ZNF519: variants seen among roughly 807,000 people sequenced by gnomAD.
ZNF519 encodes the protein zinc finger protein 519.
ZNF519 carries 7 observed loss-of-function variants against 7.4 expected under a neutral mutation model. That is an observed-to-expected ratio of 0.94 (90% CI 0.54 to 1.77). The LOEUF (loss-of-function observed/expected upper bound fraction) is 1.77. Among genes scored for constraint, ZNF519 ranks in the 40% most tolerant of loss-of-function variants. The probability of loss-of-function intolerance (pLI) is 0.00; values close to 1 mark genes in which losing one functional copy is unlikely to be tolerated. For missense variants in ZNF519, 586 were observed against 623.1 expected (o/e 0.94, Z 0.63); for synonymous variants, 179 against 203.3 (o/e 0.88, Z 1.02).
intron 2 of ZNF519, among the ~76,000 whole-genome samples, chr18:14,116,379 A>AG (rs1287181248): frequency 6.6e-6 from 1 of 152,226 alleles, no homozygotes; most frequent in Non-Finnish European, 1.5e-5. Flanking sequence ...TTAGAAAAAA[A>AG]GAACAAAATT....
chr18:14,107,852 A>C (rs908890374), intron 2 of ZNF519, among the ~76,000 whole-genome samples: 4 of 152,092 alleles, frequency 2.6e-5, no homozygotes, highest in African/African-American at 9.7e-5. Flanking sequence ...CCTGTGGAAT[A>C]AGGACGGAAA....
chr18:14,105,416 G>T lies in ZNF519; in HGVS notation c.1124C>A (p.Pro375His). Residue 375 changes from proline to histidine, a missense_variant, in exon 3 of 3, where the codon CCT (proline) becomes CAT (histidine). Pro to His is a moderately conservative substitution (Grantham distance 77). Coordinates refer to ENST00000590202, the MANE Select transcript of ZNF519 (RefSeq NM_145287.4). ...TTTGCCACATTCCTTACATCTGAAA[G>T]GTTTCTCTCCGGTATGGATTCTCTG... ...QHQRIHTGEKPFRCKECGKAF... is the reference protein window; with the variant it reads ...QHQRIHTGEKHFRCKECGKAF... 6.2e-7 allele frequency: 1 copy of T among 1,613,644 alleles called. No homozygotes were observed. Among genetic ancestry groups the T allele is most frequent in the Non-Finnish European group, 8.5e-7 (1 of 1,179,950 alleles).
At chr18:14,111,677 A>G (rs2046221790) in intron 2 of ZNF519, among the ~76,000 whole-genome samples, 1 of 152,170 alleles carries the variant, frequency 6.6e-6, no homozygotes, top group Admixed American at 6.5e-5. Context: ...AAATTGGAAA[A>G]TCTAGAACAA....
chr18:14,088,284 C>G (rs1259008922), intron 2 of ZNF519, among the ~76,000 whole-genome samples: 1 of 152,114 alleles, frequency 6.6e-6, no homozygotes, highest in Admixed American at 6.5e-5. Flanking sequence ...TAGAAAAACT[C>G]GGAGTAGCTT....
chr18:14,118,520 G>A (rs932205129), intron 2 of ZNF519, among the ~76,000 whole-genome samples: 1 of 152,080 alleles, frequency 6.6e-6, no homozygotes, highest in African/African-American at 2.4e-5. Context: ...ACAGAAACAG[G>A]CAGTAGAAAG....
rs2046162904 is a variant in ZNF519, at chr18:14,101,757, AT to A, written c.*3159del. On this transcript the variant is annotated 3_prime_UTR_variant, in exon 3 of 3. Transcript: ENST00000590202. ...TGAAGTGTCCATCAGTTCTTTGATG[AT>A]GTTCTGTGTGGAGCTCTGCAAAGAC... 7.5e-6 allele frequency: 3 copies of A among 398,492 alleles called. No individual in the cohort carries two copies. The South Asian group carries it at 3.8e-4, about 51-fold the overall frequency. The allele number at this position is 398,492 out of a possible 1,614,324, so 24.7% of individuals were successfully genotyped here.
intron 2 of ZNF519, chr18:14,122,570 C>T (rs1279100165): frequency 6.6e-6 from 1 of 150,740 alleles, no homozygotes; most frequent in Middle Eastern, 3.2e-3. Context: ...ATAAAGGGGA[C>T]ATTGGGTCTC....
intron 2 of ZNF519, 129 bp downstream of exon 2, chr18:14,124,221 C>A: frequency 1.1e-6 from 1 of 882,230 alleles, no homozygotes; most frequent in Non-Finnish European, 1.6e-6. Flanking sequence ...TAGCAAACTC[C>A]CATTTTTTCT....
chr18:14,080,139 T>A (rs12961179), intron 3 of ZNF519: 1 of 152,116 alleles, frequency 6.6e-6, no homozygotes, highest in Middle Eastern at 3.4e-3. Context: ...CTCCACGTCA[T>A]ATTTCACCAG....
chr18:14,121,767 T>G (rs1216514510), intron 2 of ZNF519: 1 of 152,164 alleles, frequency 6.6e-6, no homozygotes, highest in Non-Finnish European at 1.5e-5. Context: ...CTTTACACAT[T>G]TATACATATA....
intron 2 of ZNF519, among the ~76,000 whole-genome samples, chr18:14,119,814 GA>G (rs1351101590): frequency 6.6e-6 from 1 of 151,906 alleles, no homozygotes; most frequent in East Asian, 1.9e-4. Context: ...CACAAAAAAA[GA>G]AACAATTTTT....
intron 2 of ZNF519, among the ~76,000 whole-genome samples, chr18:14,116,471 T>A (rs1032391619): frequency 3.3e-5 from 5 of 152,098 alleles, no homozygotes; most frequent in Non-Finnish European, 5.9e-5. Flanking sequence ...GGAAGACAGA[T>A]GATGGAACAG....
At position 14,106,173 on chromosome 18, in the gene ZNF519, T is replaced by G. The variant is rs2046190496; in HGVS notation, c.367A>C (p.Ile123Leu). 1 of 1,612,482 alleles carries G rather than the reference T, an allele frequency of 6.2e-7. No homozygotes were observed. Among genetic ancestry groups the G allele is most frequent in the Non-Finnish European group, 8.5e-7 (1 of 1,179,586 alleles). Reference protein sequence around the residue: ...LTVKGDKEYRIFQKKPQFLSA... With the variant: ...LTVKGDKEYRLFQKKPQFLSA... ...AGAAACTGAGGCTTCTTCTGAAATA[T>G]TCTATATTCTTTGTCTCCTTTCACA... The change falls in exon 3 of 3, where the codon ATA becomes CTA. Residue 123 changes from isoleucine to leucine, a missense_variant. Physicochemically the swap from Ile to Leu is conservative, Grantham distance 5 (BLOSUM62 2). Transcript: ENST00000590202.
chr18:14,081,496 TG>T (rs2046070541), intron 3 of ZNF519, among the ~76,000 whole-genome samples: 1 of 152,220 alleles, frequency 6.6e-6, no homozygotes, highest in Non-Finnish European at 1.5e-5. Flanking sequence ...AGGCAGTTGC[TG>T]GGCAGATGTC....
intron 2 of ZNF519, among the ~76,000 whole-genome samples, chr18:14,112,168 C>A (rs1036582946): frequency 6.6e-6 from 1 of 152,086 alleles, no homozygotes; most frequent in African/African-American, 2.4e-5. Flanking sequence ...TGCAAAGATA[C>A]TTCAACATAT....
chr18:14,118,890 G>A (rs1288444761), intron 2 of ZNF519, among the ~76,000 whole-genome samples: 1 of 152,094 alleles, frequency 6.6e-6, no homozygotes, highest in Non-Finnish European at 1.5e-5. Flanking sequence ...GCCAGTTATA[G>A]GCACCCAGTT....
chr18:14,130,127 G>A (rs2143177952), intron 1 of ZNF519, among the ~76,000 whole-genome samples: 1 of 151,238 alleles, frequency 6.6e-6, no homozygotes, highest in African/African-American at 2.4e-5. Context: ...CACAGAGTCA[G>A]ACATGGACCA....
chr18:14,131,930 T>C (rs1471164324), intron 1 of ZNF519, among the ~76,000 whole-genome samples: 1 of 152,246 alleles, frequency 6.6e-6, no homozygotes, highest in Non-Finnish European at 1.5e-5. Flanking sequence ...CTCAGTCTAA[T>C]TCCGAACAGG....
At chr18:14,094,408 G>C (rs1484460851) in intron 2 of ZNF519, among the ~76,000 whole-genome samples, 1 of 152,098 alleles carries the variant, frequency 6.6e-6, no homozygotes, top group East Asian at 1.9e-4. Context: ...TATAACATTA[G>C]CATTGAGTGC....
Sources: allele counts gnomAD v4.1 joint callset (sites outside exome capture counted in the v4.1 genomes callset), GRCh38; gene constraint gnomAD v4.1.1; transcripts MANE v1.5; gene names NCBI Gene and HGNC (gene_info 2026-07-23, HGNC 2026-07-21).